The following ROR2 variants were observed in gnomAD, a reference collection of about 807,000 sequenced individuals.
ROR2 encodes the protein tyrosine-protein kinase transmembrane receptor ROR2.
ROR2 carries 33 observed loss-of-function variants against 74.9 expected under a neutral mutation model. That is an observed-to-expected ratio of 0.44 (90% CI 0.33 to 0.59). The LOEUF is 0.59. Among genes scored for constraint, ROR2 ranks in the 20% least tolerant of loss-of-function variants. The pLI is 0.02. For missense variants in ROR2, 1,216 were observed against 1,313.8 expected (o/e 0.93, Z 1.15); for synonymous variants, 586 against 558.7 (o/e 1.05, Z -0.69).
chr9:91,852,649 ACC>A (rs757764721), intron 1 of ROR2, among the ~76,000 whole-genome samples: 146 of 140,432 alleles, frequency 1.0e-3, no homozygotes, highest in East Asian at 4.6e-3. Context: ...ACACACACAC[ACC>A]CACACACACA....
At chr9:91,900,809 G>A (rs1830660026) in intron 1 of ROR2, among the ~76,000 whole-genome samples, 1 of 152,290 alleles carries the variant, frequency 6.6e-6, no homozygotes, top group Non-Finnish European at 1.5e-5. Flanking sequence ...ATAGGTTCCA[G>A]CTTGAAGGGA....
intron 2 of ROR2, among the ~76,000 whole-genome samples, chr9:91,772,420 G>A (rs1010794814): frequency 1.3e-5 from 2 of 152,292 alleles, no homozygotes; most frequent in East Asian, 3.9e-4. Flanking sequence ...AAACTGTGCT[G>A]AGAGCAGTGC....
At chr9:91,783,888 C>T (rs538665015) in intron 1 of ROR2, among the ~76,000 whole-genome samples, 3 of 152,242 alleles carry the variant, frequency 2.0e-5, no homozygotes, top group South Asian at 2.1e-4. Context: ...TGCCTCCACC[C>T]GCTTGTAAGT....
intron 5 of ROR2, among the ~76,000 whole-genome samples, chr9:91,735,537 A>G (rs1308043179): frequency 1.3e-5 from 2 of 150,620 alleles, no homozygotes. Flanking sequence ...GTCTGCAGCT[A>G]GCATTTTAAA....
intron 1 of ROR2, among the ~76,000 whole-genome samples, chr9:91,871,581 C>T (rs1452207293): frequency 1.3e-5 from 2 of 152,110 alleles, no homozygotes; most frequent in Non-Finnish European, 2.9e-5. Flanking sequence ...ATGGTGTCCC[C>T]GACACTCCCC....
chr9:91,773,359 T>C (rs968781752), intron 2 of ROR2, among the ~76,000 whole-genome samples: 9 of 146,040 alleles, frequency 6.2e-5, no homozygotes, highest in African/African-American at 2.2e-4. Flanking sequence ...CAAACCGTGC[T>C]TCACAGCTGC....
At chr9:91,865,467 C>T (rs992344404) in intron 1 of ROR2, among the ~76,000 whole-genome samples, 1 of 152,168 alleles carries the variant, frequency 6.6e-6, no homozygotes, top group Non-Finnish European at 1.5e-5. Flanking sequence ...AAAACATTGG[C>T]TTTGTAGGAG....
intron 1 of ROR2, among the ~76,000 whole-genome samples, chr9:91,843,631 T>A (rs997358903): frequency 2.0e-5 from 3 of 152,156 alleles, no homozygotes; most frequent in Non-Finnish European, 4.4e-5. Flanking sequence ...TTACTATATG[T>A]CTAGAGACTC....
At chr9:91,899,507 G>T (rs1268899709) in intron 1 of ROR2, among the ~76,000 whole-genome samples, 1 of 152,156 alleles carries the variant, frequency 6.6e-6, no homozygotes, top group Non-Finnish European at 1.5e-5. Context: ...CACACATGGG[G>T]TAAAGAGGTA....
At chr9:91,849,054 C>T (rs941732428) in intron 1 of ROR2, among the ~76,000 whole-genome samples, 39 of 152,154 alleles carry the variant, frequency 2.6e-4, no homozygotes, top group African/African-American at 9.2e-4. Flanking sequence ...TCATCCCATC[C>T]GAACAGATAT....
chr9:91,794,140 C>T (rs778091383), intron 1 of ROR2, among the ~76,000 whole-genome samples: 42 of 152,312 alleles, frequency 2.8e-4, no homozygotes, highest in Non-Finnish European at 4.3e-4. Flanking sequence ...AATTCATTAA[C>T]GAATTACAGT....
At chr9:91,834,729 C>T (rs1828563245) in intron 1 of ROR2, among the ~76,000 whole-genome samples, 2 of 152,232 alleles carry the variant, frequency 1.3e-5, no homozygotes, top group Admixed American at 6.5e-5. Context: ...CAAATGAGAG[C>T]TCTTGCGATT....
intron 1 of ROR2, among the ~76,000 whole-genome samples, chr9:91,810,066 G>T (rs916643088): frequency 2.0e-5 from 3 of 152,234 alleles, no homozygotes; most frequent in Admixed American, 2.0e-4. Flanking sequence ...CCGCCCTTCA[G>T]ATGCCCCAGG....
intron 1 of ROR2, among the ~76,000 whole-genome samples, chr9:91,845,899 A>AAAAAAAAAAAAAAAC (rs1828915274): frequency 6.7e-6 from 1 of 148,334 alleles, no homozygotes; most frequent in Non-Finnish European, 1.5e-5. Flanking sequence ...AAAAAAAAAA[A>AAAAAAAAAAAAAAAC]AAAAAAAAAT....
intron 8 of ROR2, among the ~76,000 whole-genome samples, chr9:91,725,749 C>CT (rs1554752226): frequency 6.6e-6 from 1 of 152,088 alleles, no homozygotes; most frequent in Non-Finnish European, 1.5e-5. Flanking sequence ...CTCTCGGCCT[C>CT]TATGACACCA....
chr9:91,879,441 GGTGTGT>G, intron 1 of ROR2, among the ~76,000 whole-genome samples: 1 of 151,226 alleles, frequency 6.6e-6, no homozygotes. Context: ...GGTGTGGGGG[GGTGTGT>G]GTGTGTGTGG....
At position 91,724,497 on chromosome 9, in the gene ROR2, T is replaced by G; in HGVS notation, c.1997A>C (p.Tyr666Ser). The G allele has an allele frequency of 6.2e-7, 1 of 1,614,140 alleles. No homozygotes were observed. The highest frequency in any genetic ancestry group is 1.1e-5 in the South Asian group (1 of 91,084). ...GTCTGAGTCGATGGAGAACTTGCCG[T>G]ACATGATGGCCTCTGGGGCCATCCA... ...IRWMAPEAIMYGKFSIDSDIW... is the reference protein window; with the variant it reads ...IRWMAPEAIMSGKFSIDSDIW... The change falls in exon 9 of 9, where the codon TAC (tyrosine) becomes TCC (serine). Residue 666 changes from tyrosine (Y) to serine (S), a missense_variant. Coordinates refer to ENST00000375708, the MANE Select transcript of ROR2 (RefSeq NM_004560.4).
At chr9:91,757,623 G>C in intron 2 of ROR2, 64 bp from the exon 3 acceptor site, 1 of 1,568,700 alleles carries the variant, frequency 6.4e-7, no homozygotes, top group South Asian at 1.2e-5. Flanking sequence ...GGGCTACCTG[G>C]GGGCTCTGCT....
At chr9:91,752,681 T>C (rs1322256419) in intron 4 of ROR2, among the ~76,000 whole-genome samples, 1 of 152,328 alleles carries the variant, frequency 6.6e-6, no homozygotes, top group East Asian at 1.9e-4. Context: ...TTGTCAGACC[T>C]TATAGTGCTA....
Sources: allele counts gnomAD v4.1 joint callset (sites outside exome capture counted in the v4.1 genomes callset), GRCh38; gene constraint gnomAD v4.1.1; transcripts MANE v1.5; gene names NCBI Gene and HGNC (gene_info 2026-07-23, HGNC 2026-07-21).